The following MAPK8 variants were observed in gnomAD, a reference collection of about 807,000 sequenced individuals.
The protein encoded by MAPK8 is JUN N-terminal kinase.
A neutral mutation model predicts 52.9 loss-of-function variants in MAPK8; 13 were observed. That is an observed-to-expected ratio of 0.25 (90% CI 0.16 to 0.39). The LOEUF (loss-of-function observed/expected upper bound fraction) is 0.39. Among genes scored for constraint, MAPK8 ranks in the 10% least tolerant of loss-of-function variants. The pLI, the probability that MAPK8 is intolerant of heterozygous loss-of-function variation, is 1.00. For missense variants in MAPK8, 300 were observed against 519.2 expected (o/e 0.58, Z 4.10); for synonymous variants, 191 against 169.8 (o/e 1.12, Z -0.97).
At position 48,424,162 on chromosome 10, in the gene MAPK8, A is replaced by G; in HGVS notation, c.688+3A>G. On this transcript the variant is annotated splice_donor_region_variant and intron_variant, in intron 7 of 11. Coordinates refer to ENST00000374189, the MANE Select transcript of MAPK8 (RefSeq NM_001323329.2). ...AATCCTCTTTCCAGGAAGGGACTGT[A>G]TCCTTGTGCTGCTGCAGCAGTTAAT... is the stretch of plus-strand genomic sequence containing the variant. 6.2e-7 allele frequency: 1 copy of G among 1,612,216 alleles called. No homozygotes were observed. The highest frequency in any genetic ancestry group is 8.5e-7 in the Non-Finnish European group (1 of 1,178,534).
At position 48,381,363 on chromosome 10, in the gene MAPK8, C is replaced by G. The variant is rs148854127; in HGVS notation, c.-49-20249C>G. On this transcript the variant is annotated intron_variant, in intron 1 of 11. Coordinates refer to ENST00000374189, the MANE Select transcript of MAPK8 (RefSeq NM_001323329.2). ...TTTCCTTTAGCAAAACTCACACCCT[C>G]CTCTCTTTTTTATAACTTTCTTCAC... Among the ~76,000 whole-genome samples the G allele has an allele frequency of 1.0e-3, 153 of 152,288 alleles. 3 individuals carry two copies. In the East Asian group the frequency reaches 0.029, roughly 28 times the overall value.
rs1201342024 is a variant in MAPK8, at chr10:48,425,996, A to T, written c.797A>T (p.Tyr266Phe). 6.2e-7 allele frequency: 1 copy of T among 1,613,420 alleles called. No homozygotes were observed. The highest frequency in any genetic ancestry group is 8.5e-7 in the Non-Finnish European group (1 of 1,179,580). Residue 266 changes from tyrosine to phenylalanine, a missense_variant, in exon 8 of 12, where the codon TAT becomes TTT. Around this residue, in one of 3 missense-constraint regions of MAPK8, gnomAD observed 147 missense variants for 328.1 expected, o/e 0.45. Transcript: ENST00000374189. Reference sequence around the variant, plus strand: ...ACTTACGTTGAAAACAGACCTAAATATGCTGGATATAGCTTTGAGAAACTC... The same window carrying T: ...ACTTACGTTGAAAACAGACCTAAATTTGCTGGATATAGCTTTGAGAAACTC... ...VRTYVENRPKYAGYSFEKLFP... is the reference protein window; with the variant it reads ...VRTYVENRPKFAGYSFEKLFP...
intron 10 of MAPK8, chr10:48,427,379 C>G (rs2043751041): frequency 1.5e-5 from 6 of 406,424 alleles, no homozygotes; most frequent in Middle Eastern, 1.4e-3. Flanking sequence ...ATATTTTTTT[C>G]CATGGTTTGT....
intron 1 of MAPK8, among the ~76,000 whole-genome samples, chr10:48,345,500 C>T (rs1845679154): frequency 6.6e-6 from 1 of 152,098 alleles, no homozygotes; most frequent in Admixed American, 6.5e-5. Context: ...ATTCTGTTCA[C>T]ACACACACAC....
chr10:48,400,093 A>G (rs1031960172), intron 1 of MAPK8, among the ~76,000 whole-genome samples: 1 of 152,196 alleles, frequency 6.6e-6, no homozygotes, highest in Non-Finnish European at 1.5e-5. Flanking sequence ...TGGTAGGAAA[A>G]TGATTAGGAT....
At chr10:48,333,481 G>T (rs1050862897) in intron 1 of MAPK8, among the ~76,000 whole-genome samples, 6 of 152,114 alleles carry the variant, frequency 3.9e-5, no homozygotes, top group Non-Finnish European at 8.8e-5. Context: ...CCCCATATTT[G>T]AGTGAGCACT....
At chr10:48,318,725 T>G (rs1842725675) in intron 1 of MAPK8, among the ~76,000 whole-genome samples, 1 of 152,144 alleles carries the variant, frequency 6.6e-6, no homozygotes, top group Non-Finnish European at 1.5e-5. Flanking sequence ...GCATGCATGG[T>G]GAAATCAGCA....
intron 1 of MAPK8, among the ~76,000 whole-genome samples, chr10:48,395,029 A>T (rs921769215): frequency 1.3e-5 from 2 of 151,974 alleles, no homozygotes; most frequent in Admixed American, 1.3e-4. Flanking sequence ...GCCTATGGAA[A>T]CAAGTGTCAT....
chr10:48,319,573 T>A (rs552860428), intron 1 of MAPK8, among the ~76,000 whole-genome samples: 2 of 152,220 alleles, frequency 1.3e-5, no homozygotes, highest in Admixed American at 6.5e-5. Flanking sequence ...CTCTACAGCC[T>A]CCACCTCCCG....
chr10:48,401,848 T>G (rs1207600290), intron 2 of MAPK8, 66 bp downstream of exon 2: 1 of 1,256,054 alleles, frequency 8.0e-7, no homozygotes, highest in Non-Finnish European at 1.0e-6. Context: ...CTCTCGTAAT[T>G]TAGATACCTT....
chr10:48,350,868 C>G (rs1233119261), intron 1 of MAPK8, among the ~76,000 whole-genome samples: 1 of 152,116 alleles, frequency 6.6e-6, no homozygotes, highest in African/African-American at 2.4e-5. Context: ...TTAGAAAACC[C>G]CATCGTCTCA....
chr10:48,391,768 G>A (rs1389994896), intron 1 of MAPK8, among the ~76,000 whole-genome samples: 1 of 152,162 alleles, frequency 6.6e-6, no homozygotes, highest in Non-Finnish European at 1.5e-5. Flanking sequence ...CTCAGGTCTG[G>A]AACTTCTGAC....
At chr10:48,392,012 C>T (rs1277096140) in intron 1 of MAPK8, among the ~76,000 whole-genome samples, 1 of 152,156 alleles carries the variant, frequency 6.6e-6, no homozygotes, top group Non-Finnish European at 1.5e-5. Context: ...CCGAAAGTTC[C>T]CTGAACCCTG....
At chr10:48,390,154 A>G (rs906593082) in intron 1 of MAPK8, among the ~76,000 whole-genome samples, 2 of 152,160 alleles carry the variant, frequency 1.3e-5, no homozygotes, top group African/African-American at 2.4e-5. Context: ...AGCTCAAGGC[A>G]GGCAGGAAGA....
chr10:48,371,713 A>T (rs2590382), intron 1 of MAPK8, among the ~76,000 whole-genome samples: 122,977 of 151,938 alleles, frequency 0.81, 49,958 homozygotes, highest in Middle Eastern at 0.9. Context: ...ATCCCACAGG[A>T]TGAGGTCTCA....
At chr10:48,351,044 G>A (rs1846271822) in intron 1 of MAPK8, among the ~76,000 whole-genome samples, 2 of 152,078 alleles carry the variant, frequency 1.3e-5, no homozygotes, top group Admixed American at 1.3e-4. Flanking sequence ...AAAATACCTA[G>A]GAATACATCT....
chr10:48,316,757 A>T (rs1283463055), intron 1 of MAPK8, among the ~76,000 whole-genome samples: 1 of 152,246 alleles, frequency 6.6e-6, no homozygotes, highest in African/African-American at 2.4e-5. Flanking sequence ...GCTGAACTTC[A>T]GTAGAGATCT....
At chr10:48,408,225 C>G (rs1341068910) in intron 3 of MAPK8, among the ~76,000 whole-genome samples, 10 of 152,126 alleles carry the variant, frequency 6.6e-5, no homozygotes, top group Admixed American at 6.5e-4. Context: ...GTGATTAAGA[C>G]ACAGTTGTTT....
rs183979925 is a variant in MAPK8 at position 48,371,809 on chromosome 10, G to A, written c.-49-29803G>A. Among the ~76,000 whole-genome samples, 20 of 152,172 alleles carry A rather than the reference G, an allele frequency of 1.3e-4. No homozygotes were observed. The East Asian group carries it at 3.7e-3, about 28-fold the overall frequency. On this transcript the variant is annotated intron_variant, in intron 1 of 11. Transcript: ENST00000374189. ...GTCTGACTGAATAGCTATAAATTGG[G>A]GTTCCCATGATCCGCTCCTTGGGTT...
Sources: allele counts gnomAD v4.1 joint callset (sites outside exome capture counted in the v4.1 genomes callset), GRCh38; gene constraint gnomAD v4.1.1; regional missense constraint gnomAD v4.1.1; transcripts MANE v1.5; gene names NCBI Gene and HGNC (gene_info 2026-07-23, HGNC 2026-07-21).